ARHGEF18: variants seen among roughly 807,000 people sequenced by gnomAD.
The protein encoded by ARHGEF18 is Rho/Rac guanine nucleotide exchange factor 18.
ARHGEF18 carries 93 observed loss-of-function variants against 155.7 expected under a neutral mutation model. The ratio of observed to expected loss-of-function variants is 0.60; its 90% CI spans 0.50 to 0.71. The LOEUF is 0.71. Ranked by LOEUF, ARHGEF18 falls within the 30% of genes least tolerant of loss-of-function variation. The pLI is 0.00. For missense variants in ARHGEF18, 1,593 were observed against 1,816.1 expected, an observed-to-expected ratio of 0.88 and a Z score of 2.23; for synonymous variants, 742 against 753.1, an observed-to-expected ratio of 0.99 and a Z score of 0.24.
At chr19:7,467,178 T>A (rs1373872604) in intron 25 of ARHGEF18, 36 bp from the exon 26 acceptor site, 1 of 1,578,292 alleles carries the variant, frequency 6.3e-7, no homozygotes, top group East Asian at 2.3e-5. Flanking sequence ...GGGGCGCAGG[T>A]GCGGCTCTCA....
chr19:7,417,468 C>T (rs1252018889), intron 10 of ARHGEF18, among the ~76,000 whole-genome samples: 2 of 152,118 alleles, frequency 1.3e-5, no homozygotes, highest in Non-Finnish European at 2.9e-5. Flanking sequence ...GAGACCAAGG[C>T]GGGCAGATCA....
At chr19:7,368,839 G>A (rs1166098477) in intron 2 of ARHGEF18, among the ~76,000 whole-genome samples, 1 of 152,124 alleles carries the variant, frequency 6.6e-6, no homozygotes, top group Non-Finnish European at 1.5e-5. Context: ...GTCACATGAG[G>A]GCCAGCCAGA....
chr19:7,433,184 A>G (rs933527979), intron 10 of ARHGEF18, among the ~76,000 whole-genome samples: 2 of 150,210 alleles, frequency 1.3e-5, no homozygotes, highest in East Asian at 2.0e-4. Context: ...AAAAGAAGGC[A>G]GGCCGGGCAC....
At chr19:7,464,150 G>A (rs1020601032) in intron 22 of ARHGEF18, among the ~76,000 whole-genome samples, 195 bp downstream of exon 22, 3 of 152,116 alleles carry the variant, frequency 2.0e-5, no homozygotes, top group Non-Finnish European at 4.4e-5. Context: ...TGATTCTCCC[G>A]CCTCAGCCTA....
chr19:7,383,092 G>C lies in ARHGEF18; in HGVS notation c.856G>C (p.Gly286Arg). ...GAGCCCAGCACATCTGAAGGACAAG[G>C]GCCAGGATGCACGAGAGAGGCGGGA... ...GKSPAHLKDK[G>R]QDARERRECV... Residue 286 changes from glycine (G) to arginine (R), a missense_variant, in exon 10 of 29, where the codon GGC becomes CGC. Coordinates refer to ENST00000668164, the MANE Select transcript of ARHGEF18 (RefSeq NM_001367823.1). 2 of 1,232,506 alleles carry C rather than the reference G, an allele frequency of 1.6e-6. No homozygotes were observed. Among genetic ancestry groups the C allele is most frequent in the Non-Finnish European group, 2.0e-6 (2 of 988,196 alleles). The allele number at this position is 1,232,506 out of a possible 1,614,324, so 76.3% of individuals were successfully genotyped here.
At chr19:7,412,741 CA>C (rs35736055) in intron 10 of ARHGEF18, among the ~76,000 whole-genome samples, 2,311 of 128,312 alleles carry the variant, frequency 0.018, 25 homozygotes, top group South Asian at 0.032. Context: ...GACTCTGTCT[CA>C]AAAAAAAAAA....
intron 10 of ARHGEF18, among the ~76,000 whole-genome samples, chr19:7,410,794 C>T (rs1001073799): frequency 9.1e-6 from 1 of 109,828 alleles, no homozygotes; most frequent in African/African-American, 3.5e-5. Context: ...TGGGCAGCAG[C>T]GTGAGACTCC....
At chr19:7,434,067 A>T (rs973650461) in intron 10 of ARHGEF18, among the ~76,000 whole-genome samples, 6 of 151,388 alleles carry the variant, frequency 4.0e-5, no homozygotes, top group African/African-American at 1.5e-4. Flanking sequence ...CTTTTGTCCC[A>T]GTAAAGTAAT....
intron 1 of ARHGEF18, among the ~76,000 whole-genome samples, chr19:7,360,640 G>C (rs1969508581): frequency 6.6e-6 from 1 of 152,120 alleles, no homozygotes; most frequent in South Asian, 2.1e-4. Flanking sequence ...CCTCCACAAG[G>C]ACCCTGTCCA....
At chr19:7,423,277 C>T (rs966371616) in intron 10 of ARHGEF18, among the ~76,000 whole-genome samples, 2 of 152,138 alleles carry the variant, frequency 1.3e-5, no homozygotes, top group Admixed American at 6.6e-5. Flanking sequence ...AGGGAGCTAA[C>T]AGTTGGCCCC....
At chr19:7,406,987 C>A (rs1400720729) in intron 10 of ARHGEF18, among the ~76,000 whole-genome samples, 1 of 148,062 alleles carries the variant, frequency 6.8e-6, no homozygotes, top group Admixed American at 6.8e-5. Context: ...ATGGCATGAA[C>A]CCGGGAAGCA....
intron 19 of ARHGEF18, among the ~76,000 whole-genome samples, chr19:7,459,399 T>C (rs1438038160): frequency 6.6e-6 from 1 of 152,066 alleles, no homozygotes; most frequent in Non-Finnish European, 1.5e-5. Flanking sequence ...TTTTTTATTT[T>C]TGTAGAGATG....
intron 10 of ARHGEF18, among the ~76,000 whole-genome samples, chr19:7,422,545 T>C (rs4804603): frequency 0.54 from 81,042 of 151,310 alleles, 22,079 homozygotes; most frequent in Middle Eastern, 0.74. Context: ...TCTCCTGCCT[T>C]CAGGCAAAAT....
chr19:7,431,019 T>C (rs1433573329), intron 10 of ARHGEF18, among the ~76,000 whole-genome samples: 1 of 151,582 alleles, frequency 6.6e-6, no homozygotes, highest in Non-Finnish European at 1.5e-5. Context: ...CCAGGTGTGA[T>C]AGCACACACC....
chr19:7,364,367 A>AG (rs1969786597), intron 2 of ARHGEF18, among the ~76,000 whole-genome samples: 1 of 103,626 alleles, frequency 9.7e-6, no homozygotes, highest in African/African-American at 3.2e-5. Flanking sequence ...AGGGAAGGAA[A>AG]GGAAGGAAGG....
intron 2 of ARHGEF18, among the ~76,000 whole-genome samples, chr19:7,366,619 C>A (rs1210798313): frequency 6.6e-6 from 1 of 152,172 alleles, no homozygotes; most frequent in Non-Finnish European, 1.5e-5. Flanking sequence ...TTCTATCATT[C>A]TTGACTATAA....
chr19:7,382,658 G>A, intron 8 of ARHGEF18, 134 bp from the exon 9 acceptor site: 1 of 458,996 alleles, frequency 2.2e-6, no homozygotes, highest in Non-Finnish European at 3.5e-6. Context: ...GGAAGTCAAG[G>A]GCCAGGGAAG....
intron 1 of ARHGEF18, among the ~76,000 whole-genome samples, chr19:7,362,059 G>A (rs375747150): frequency 0.017 from 717 of 43,084 alleles, 32 homozygotes; most frequent in East Asian, 0.067. Context: ...GAAGGAGAAG[G>A]AGAAGGAGAA....
chr19:7,441,270 C>G (rs1461319663), intron 11 of ARHGEF18, among the ~76,000 whole-genome samples: 2 of 149,804 alleles, frequency 1.3e-5, no homozygotes, highest in Admixed American at 1.4e-4. Flanking sequence ...ACCTCCACCT[C>G]CCAGATTCAA....
Sources: gnomAD v4.1 joint callset for allele counts (sites outside exome capture counted in the v4.1 genomes callset) on GRCh38, gnomAD v4.1.1 for gene constraint, MANE v1.5 for transcripts, NCBI Gene and HGNC (gene_info 2026-07-23, HGNC 2026-07-21) for gene names.